CHST3: variants seen among roughly 807,000 people sequenced by gnomAD.
The protein encoded by CHST3 is carbohydrate sulfotransferase 3.
A neutral mutation model predicts 35.4 loss-of-function variants in CHST3; 20 were observed. The ratio of observed to expected loss-of-function variants is 0.57; its 90% CI spans 0.40 to 0.82. The LOEUF (loss-of-function observed/expected upper bound fraction) is 0.82. Among genes scored for constraint, CHST3 ranks in the 40% least tolerant of loss-of-function variants. The pLI is 0.00. For synonymous variants in CHST3, 334 were observed against 295.9 expected (o/e 1.13, Z -1.32); for missense variants, 693 against 670.1 (o/e 1.03, Z -0.38).
intron 1 of CHST3, among the ~76,000 whole-genome samples, chr10:71,996,433 C>CG (rs1839939454): frequency 6.9e-6 from 1 of 144,884 alleles, no homozygotes; most frequent in South Asian, 2.2e-4. Context: ...CAACCCCCCC[C>CG]CAACGTATGT....
chr10:72,007,146 G>A (rs750348269), intron 2 of CHST3, 26 bp from the exon 3 acceptor site: 9 of 1,612,508 alleles, frequency 5.6e-6, no homozygotes, highest in Middle Eastern at 1.6e-4. Flanking sequence ...GTCAGCCACT[G>A]ACCCTGATCT....
chr10:71,979,933 A>G (rs953317028), intron 1 of CHST3, among the ~76,000 whole-genome samples: 2 of 152,202 alleles, frequency 1.3e-5, no homozygotes, highest in Non-Finnish European at 1.5e-5. Context: ...TTATAAGCAC[A>G]GGGAAAATGC....
rs556701494 is a variant in CHST3, at chr10:71,978,360, C to T, written c.-108+13666C>T. On this transcript the variant is annotated intron_variant, in intron 1 of 2. Transcript: ENST00000373115. ...CAGCCTAGGCGATAGACCGAGCCTCCGTCTTAAAAAAAAAAAAAAACAAAG... is the reference window on the plus strand; with the variant it reads ...CAGCCTAGGCGATAGACCGAGCCTCTGTCTTAAAAAAAAAAAAAAACAAAG... Among the ~76,000 whole-genome samples, 35 of 150,994 alleles carry T rather than the reference C, an allele frequency of 2.3e-4. No individual in the cohort carries two copies. The South Asian group carries it at 5.2e-3, about 23-fold the overall frequency.
At chr10:71,994,267 CAAA>C (rs55736523) in intron 1 of CHST3, among the ~76,000 whole-genome samples, 21 of 128,890 alleles carry the variant, frequency 1.6e-4, no homozygotes, top group African/African-American at 5.4e-4. Context: ...AACCCTGTCT[CAAA>C]AAAAAAAAAA....
chr10:72,008,121 G>A lies in CHST3; in HGVS notation c.1090G>A (p.Gly364Ser). ...LGLRQPAWLR[G>S]RYMLVRYEDV... ...GCTGCGGCAGCCCGCCTGGCTGCGG[G>A]GCCGCTACATGCTGGTGCGCTACGA... is the stretch of plus-strand genomic sequence containing the variant. Residue 364 changes from glycine (G) to serine (S), a missense_variant, in exon 3 of 3, where the codon GGC (glycine) becomes AGC (serine). Transcript: ENST00000373115. 1 of 1,547,532 alleles carries A rather than the reference G, an allele frequency of 6.5e-7. No homozygotes were observed. The highest frequency in any genetic ancestry group is 2.0e-4 in the Middle Eastern group (1 of 4,982).
chr10:72,001,963 A>G (rs955800437), intron 1 of CHST3, among the ~76,000 whole-genome samples: 5 of 152,184 alleles, frequency 3.3e-5, no homozygotes, highest in South Asian at 4.1e-4. Flanking sequence ...GGCCTCCTGC[A>G]TGGTGAGTTC....
chr10:72,007,713 C>T lies in CHST3; in HGVS notation c.682C>T (p.Leu228=). 1 of 1,606,370 alleles carries T rather than the reference C, an allele frequency of 6.2e-7. No homozygotes were observed. Among genetic ancestry groups the T allele is most frequent in the Non-Finnish European group, 8.5e-7 (1 of 1,179,714 alleles). ...GTTCCGCCGGGGCTCCAGCCGCTCC[C>T]TGTGCGAGGACCCCGTCTGTACGCC... ...FMFRRGSSRS[L]CEDPVCTPFV... The change falls in exon 3 of 3, where the codon CTG becomes TTG. Residue 228 remains leucine, a synonymous_variant. Transcript: ENST00000373115.
chr10:71,965,242 G>T (rs1296223544), intron 1 of CHST3, among the ~76,000 whole-genome samples: 1 of 151,794 alleles, frequency 6.6e-6, no homozygotes, highest in Non-Finnish European at 1.5e-5. Flanking sequence ...TGGAAACTCG[G>T]TGTCTGGGTG....
Position 72,008,294 on chromosome 10 carries a change from C to T in CHST3, c.1263C>T (p.Ser421=), listed in dbSNP as rs746386664. The T allele has an allele frequency of 5.0e-6, 8 of 1,585,986 alleles. No homozygotes were observed. Among genetic ancestry groups the T allele is most frequent in the Non-Finnish European group, 6.9e-6 (8 of 1,166,740 alleles). Reference sequence around the variant, plus strand: ...GCATCTACTCCACGCAGAAGAACTCCTCGGAGCAGTTCGAGAAGTGGCGCT... The same window carrying T: ...GCATCTACTCCACGCAGAAGAACTCTTCGGAGCAGTTCGAGAAGTGGCGCT... The part of the protein sequence containing the change: ...GSGIYSTQKN[S]SEQFEKWRFS... Residue 421 remains serine (S), a synonymous_variant, in exon 3 of 3, where the codon TCC becomes TCT. Transcript: ENST00000373115.
chr10:71,997,283 A>G (rs79678447), intron 1 of CHST3, among the ~76,000 whole-genome samples: 14,693 of 152,082 alleles, frequency 0.097, 724 homozygotes, highest in Admixed American at 0.15. Context: ...TGGGTACCTC[A>G]TAGATAAGTG....
At chr10:71,992,346 G>GT (rs1272534364) in intron 1 of CHST3, among the ~76,000 whole-genome samples, 3 of 152,036 alleles carry the variant, frequency 2.0e-5, no homozygotes, top group Non-Finnish European at 4.4e-5. Flanking sequence ...CCCAGCCTAT[G>GT]TTTTTATTAT....
rs908300070 is a variant in CHST3, at chr10:72,009,070, A to G, written c.*599A>G. On this transcript the variant is annotated 3_prime_UTR_variant, in exon 3 of 3. Transcript: ENST00000373115. ...GGTTACTGATGAATATGGGCCCCTT[A>G]TAGAGCTGCAAAACACACACATGCG... 5 of 152,734 alleles carry G rather than the reference A, an allele frequency of 3.3e-5. No individual in the cohort carries two copies. Among genetic ancestry groups the G allele is most frequent in the African/African-American group, 1.2e-4 (5 of 41,434 alleles). The allele number at this position is 152,734 out of a possible 1,614,324, so 9.5% of individuals were successfully genotyped here.
intron 2 of CHST3, among the ~76,000 whole-genome samples, chr10:72,006,773 A>G (rs561381795): frequency 2.0e-5 from 3 of 152,320 alleles, no homozygotes; most frequent in African/African-American, 7.2e-5. Flanking sequence ...TCACTGAGCA[A>G]GGACCGTTCT....
In CHST3 at chr10:72,009,315, G is replaced by C. The variant is rs1286983079; in HGVS notation, c.*844G>C. 2 of 152,220 alleles carry C rather than the reference G, an allele frequency of 1.3e-5. No individual in the cohort carries two copies. 9.4% of individuals were successfully genotyped at this position (152,220 alleles called of 1,614,324 possible). A position where few individuals can be genotyped will look rare whatever the true frequency, so the allele number is the denominator to read the frequency against. Reference sequence around the variant, plus strand: ...GGCCATGACATGACACAGTTCCCTGGCCGGGTTTGGACTGAACAGTGGATT... The same window carrying C: ...GGCCATGACATGACACAGTTCCCTGCCCGGGTTTGGACTGAACAGTGGATT... On this transcript the variant is annotated 3_prime_UTR_variant, in exon 3 of 3. Transcript: ENST00000373115.
intron 1 of CHST3, among the ~76,000 whole-genome samples, chr10:71,993,333 G>A (rs1302867887): frequency 2.0e-5 from 3 of 152,108 alleles, no homozygotes; most frequent in East Asian, 1.9e-4. Context: ...GCAGCAATTC[G>A]CTCATATCTG....
intron 1 of CHST3, among the ~76,000 whole-genome samples, chr10:71,970,677 C>T (rs925901905): frequency 3.3e-5 from 5 of 152,138 alleles, no homozygotes; most frequent in Admixed American, 3.3e-4. Context: ...AAGCCTGGAC[C>T]CTCCCCAGCA....
intron 1 of CHST3, among the ~76,000 whole-genome samples, chr10:71,994,847 T>C (rs1260450923): frequency 2.6e-5 from 4 of 152,374 alleles, no homozygotes; most frequent in Non-Finnish European, 4.4e-5. Context: ...CTTCCTGCTT[T>C]ACCTTGCACT....
At chr10:71,987,010 A>G (rs960485789) in intron 1 of CHST3, among the ~76,000 whole-genome samples, 2 of 152,182 alleles carry the variant, frequency 1.3e-5, no homozygotes, top group African/African-American at 2.4e-5. Flanking sequence ...GAGAGCTGGG[A>G]CCCACTCCAA....
chr10:71,982,908 A>G (rs535501254), intron 1 of CHST3, among the ~76,000 whole-genome samples: 3 of 152,236 alleles, frequency 2.0e-5, no homozygotes, highest in African/African-American at 4.8e-5. Context: ...CTAGTGGGCT[A>G]CCGAGCTGGA....
Sources: gnomAD v4.1 joint callset for allele counts (sites outside exome capture counted in the v4.1 genomes callset) on GRCh38, gnomAD v4.1.1 for gene constraint, MANE v1.5 for transcripts, NCBI Gene and HGNC (gene_info 2026-07-23, HGNC 2026-07-21) for gene names.